SLC38A1: variants seen among roughly 807,000 people sequenced by gnomAD.
SLC38A1 encodes solute carrier family 38 member 1.
A neutral mutation model predicts 60.3 loss-of-function variants in SLC38A1; 18 were observed. The ratio of observed to expected loss-of-function variants is 0.30; its 90% CI spans 0.21 to 0.44. The LOEUF (loss-of-function observed/expected upper bound fraction) is 0.44. Ranked by LOEUF, SLC38A1 falls within the 20% of genes least tolerant of loss-of-function variation. The pLI, the probability that SLC38A1 is intolerant of heterozygous loss-of-function variation, is 1.00. For synonymous variants in SLC38A1, 196 were observed against 212.1 expected (o/e 0.92, Z 0.66); for missense variants, 448 against 587.2 (o/e 0.76, Z 2.45).
At chr12:46,228,294 T>A (rs568911354) in intron 5 of SLC38A1, among the ~76,000 whole-genome samples, 1 of 152,338 alleles carries the variant, frequency 6.6e-6, no homozygotes, top group East Asian at 1.9e-4. Flanking sequence ...TGATGTCTTT[T>A]TTGAAAGGAT....
chr12:46,236,386 G>T (rs1385511643), intron 3 of SLC38A1, among the ~76,000 whole-genome samples: 1 of 152,122 alleles, frequency 6.6e-6, no homozygotes, highest in Non-Finnish European at 1.5e-5. Flanking sequence ...AGCAGGCTAA[G>T]TGCAGAGCCT....
At position 46,268,099 on chromosome 12, in the gene SLC38A1, C is replaced by T. The variant is rs1942420026; in HGVS notation, c.-209+427G>A. 6.6e-6 allele frequency among the ~76,000 whole-genome samples: 1 copy of T among 152,140 alleles called. No individual in the cohort carries two copies. Among genetic ancestry groups the T allele is most frequent in the Admixed American group, 6.5e-5 (1 of 15,288 alleles). On this transcript the variant is annotated intron_variant, in intron 1 of 16. Transcript: ENST00000398637. This position sits in a 1 kb window ranked among gnomAD's most constrained non-coding sequence, Gnocchi z 4.4. ...GGGCCTTGCGGACACAGGAAATTTT[C>T]ACCAAAGGCCGGGGATTCAAACACT...
At chr12:46,205,587 T>C (rs1362485096) in intron 9 of SLC38A1, among the ~76,000 whole-genome samples, 2 of 152,154 alleles carry the variant, frequency 1.3e-5, no homozygotes, top group East Asian at 3.9e-4. Flanking sequence ...GACTTGGAGA[T>C]TATCCGCCAT....
At position 46,261,273 on chromosome 12, in the gene SLC38A1, A is replaced by G. The variant is rs540511667; in HGVS notation, c.-209+7253T>C. On this transcript the variant is annotated intron_variant, in intron 1 of 16. Transcript: ENST00000398637. ...ATACCTCCTGGGGGCAGGGAGAGGG[A>G]CATAATTGTTCCAGTTGAGAACCTG... 8.5e-5 allele frequency among the ~76,000 whole-genome samples: 13 copies of G among 152,306 alleles called. No individual in the cohort carries two copies. The East Asian group carries it at 2.1e-3, about 25-fold the overall frequency.
chr12:46,264,256 A>G (rs1198201421), intron 1 of SLC38A1, among the ~76,000 whole-genome samples: 1 of 152,230 alleles, frequency 6.6e-6, no homozygotes, highest in South Asian at 2.1e-4. Flanking sequence ...CTCTCATTGT[A>G]TCTTCACAAC....
chr12:46,192,394 C>A (rs983621868), intron 16 of SLC38A1, among the ~76,000 whole-genome samples: 1 of 152,084 alleles, frequency 6.6e-6, no homozygotes, highest in Non-Finnish European at 1.5e-5. Context: ...CTAAAATTCT[C>A]TTTTTTTGTT....
intron 1 of SLC38A1, among the ~76,000 whole-genome samples, chr12:46,256,043 T>C (rs1942008943): frequency 6.6e-6 from 1 of 151,712 alleles, no homozygotes; most frequent in Non-Finnish European, 1.5e-5. Flanking sequence ...GGCAGGCGCC[T>C]GTAGTCCAGC....
In SLC38A1 at chr12:46,189,922, T is replaced by C. The variant is rs972962435; in HGVS notation, c.1363-851A>G. ...CAATTAAACCTCTTTCCTTTATAAA[T>C]TACCCTGTCTCAGGTATTTTTTTTT... On this transcript the variant is annotated intron_variant, in intron 16 of 16. Coordinates refer to ENST00000398637, the MANE Select transcript of SLC38A1 (RefSeq NM_030674.4). 2.6e-5 allele frequency among the ~76,000 whole-genome samples: 4 copies of C among 152,154 alleles called. No individual in the cohort carries two copies. In the South Asian group the frequency reaches 8.3e-4, roughly 31 times the overall value.
At chr12:46,256,575 G>T (rs1942029709) in intron 1 of SLC38A1, among the ~76,000 whole-genome samples, 1 of 151,374 alleles carries the variant, frequency 6.6e-6, no homozygotes, top group African/African-American at 2.4e-5. Flanking sequence ...GGACATGACT[G>T]ACCGGAAGGA....
Position 46,259,630 on chromosome 12 carries a change from T to C in SLC38A1, c.-209+8896A>G, listed in dbSNP as rs73280713. Among the ~76,000 whole-genome samples, 538 of 152,242 alleles carry C rather than the reference T, an allele frequency of 3.5e-3. 1 individual carries two copies. The highest frequency in any genetic ancestry group is 0.012 in the African/African-American group (518 of 41,540). On this transcript the variant is annotated intron_variant, in intron 1 of 16. Transcript: ENST00000398637. ...TCTGGGGCTTTTGGAAGGTGGGGAA[T>C]AATAAAAATGGCCTTTGGTAGTGAA... is the stretch of plus-strand genomic sequence containing the variant.
intron 13 of SLC38A1, among the ~76,000 whole-genome samples, 175 bp from the exon 14 acceptor site, chr12:46,198,918 C>A (rs1939511466): frequency 6.6e-6 from 1 of 152,196 alleles, no homozygotes; most frequent in South Asian, 2.1e-4. Context: ...ACATGCTCCA[C>A]TGTGCATACG....
rs1381931223 is a variant in SLC38A1, at chr12:46,201,187, T to A, written c.914A>T (p.Lys305Ile). ...IYSELKDRSQKKMQMVSNISF... is the reference protein window; with the variant it reads ...IYSELKDRSQIKMQMVSNISF... ...GATGTTTGAAACCATCTGCATTTTTTTCTGTGATCGGCTAAAAACAAATAA... is the reference window on the plus strand; with the variant it reads ...GATGTTTGAAACCATCTGCATTTTTATCTGTGATCGGCTAAAAACAAATAA... The change falls in exon 13 of 17, where the codon AAA becomes ATA. Residue 305 changes from lysine to isoleucine, a missense_variant. Physicochemically the swap from Lys to Ile is moderately radical, Grantham distance 102. Transcript: ENST00000398637. 6.2e-7 allele frequency: 1 copy of A among 1,612,738 alleles called. No homozygotes were observed. The highest frequency in any genetic ancestry group is 8.5e-7 in the Non-Finnish European group (1 of 1,179,382).
chr12:46,247,162 C>T (rs895588149), intron 1 of SLC38A1, among the ~76,000 whole-genome samples: 1 of 152,166 alleles, frequency 6.6e-6, no homozygotes, highest in African/African-American at 2.4e-5. Context: ...AGCAATGGAA[C>T]AAAGATGGAC....
rs759050145 is a variant in SLC38A1, at chr12:46,184,839, G to A, written c.*4131C>T. 6.6e-6 allele frequency: 1 copy of A among 152,102 alleles called. No individual in the cohort carries two copies. The highest frequency in any genetic ancestry group is 1.5e-5 in the Non-Finnish European group (1 of 68,028). The allele number at this position is 152,102 out of a possible 1,614,324, so 9.4% of individuals were successfully genotyped here. ...AAAGCCTCACTTTCATTTCCTCACAGCTTTAAAAAATAAAATATTATCATG... is the reference window on the plus strand; with the variant it reads ...AAAGCCTCACTTTCATTTCCTCACAACTTTAAAAAATAAAATATTATCATG... On this transcript the variant is annotated 3_prime_UTR_variant, in exon 17 of 17. Transcript: ENST00000398637.
intron 1 of SLC38A1, among the ~76,000 whole-genome samples, chr12:46,257,028 C>T (rs903027628): frequency 1.3e-5 from 2 of 152,098 alleles, no homozygotes; most frequent in African/African-American, 4.8e-5. Context: ...GTGGAGAAGG[C>T]GAAATGCTCA....
intron 1 of SLC38A1, among the ~76,000 whole-genome samples, chr12:46,245,301 A>C (rs1941576017): frequency 6.6e-6 from 1 of 152,214 alleles, no homozygotes; most frequent in South Asian, 2.1e-4. Flanking sequence ...TGGTTTTGAG[A>C]AAGTATTAGT....
chr12:46,240,804 G>T (rs532742528), intron 2 of SLC38A1, among the ~76,000 whole-genome samples: 1 of 152,206 alleles, frequency 6.6e-6, no homozygotes, highest in African/African-American at 2.4e-5. Context: ...CAAAGGATTT[G>T]GTTTAATCCA....
In SLC38A1 at chr12:46,202,603, C is replaced by T. The variant is rs1592076826; in HGVS notation, c.902+407G>A. Among the ~76,000 whole-genome samples, 4 of 152,202 alleles carry T rather than the reference C, an allele frequency of 2.6e-5. No homozygotes were observed. In the South Asian group the frequency reaches 8.3e-4, roughly 32 times the overall value. On this transcript the variant is annotated intron_variant, in intron 12 of 16. Coordinates refer to ENST00000398637, the MANE Select transcript of SLC38A1 (RefSeq NM_030674.4). ...TTGTCTGATTTACTAGCCTTTTCAC[C>T]CAAACCCACAGGCAAATCAGAGACG...
At chr12:46,204,484 C>T (rs1939803110) in intron 10 of SLC38A1, 48 bp downstream of exon 10, 1 of 1,593,440 alleles carries the variant, frequency 6.3e-7, no homozygotes, top group African/African-American at 1.3e-5. Context: ...TTATTACATG[C>T]CATTGTACTA....
Sources: allele counts gnomAD v4.1 joint callset (sites outside exome capture counted in the v4.1 genomes callset), GRCh38; gene constraint gnomAD v4.1.1; non-coding constraint Gnocchi (gnomAD v3.1); transcripts MANE v1.5; gene names NCBI Gene and HGNC (gene_info 2026-07-23, HGNC 2026-07-21).